FNBP1L: variants seen among roughly 807,000 people sequenced by gnomAD.
FNBP1L encodes formin binding protein 1 like, also known as formin-binding protein 1-like.
FNBP1L carries 36 observed loss-of-function variants against 91.2 expected under a neutral mutation model. That is an observed-to-expected ratio of 0.39 (90% CI 0.30 to 0.52). FNBP1L has a LOEUF of 0.52. Among genes scored for constraint, FNBP1L ranks in the 20% least tolerant of loss-of-function variants. The pLI is 0.66. For synonymous variants in FNBP1L, 242 were observed against 237.0 expected, an observed-to-expected ratio of 1.02 and a Z score of -0.19; for missense variants, 571 against 732.1, an observed-to-expected ratio of 0.78 and a Z score of 2.54.
chr1:93,450,580 GA>G (rs922054118), intron 1 of FNBP1L, among the ~76,000 whole-genome samples: 1 of 152,022 alleles, frequency 6.6e-6, no homozygotes, highest in African/African-American at 2.4e-5. Context: ...TCTCAGTTTT[GA>G]AAAAGGATTA....
intron 1 of FNBP1L, among the ~76,000 whole-genome samples, chr1:93,450,203 A>G (rs1427583013): frequency 1.3e-5 from 2 of 152,196 alleles, no homozygotes; most frequent in Non-Finnish European, 2.9e-5. Context: ...TACCTAAGGA[A>G]ACGATTCCAT....
chr1:93,496,427 A>T (rs532375771), intron 1 of FNBP1L, among the ~76,000 whole-genome samples: 149 of 151,908 alleles, frequency 9.8e-4, no homozygotes, highest in African/African-American at 3.5e-3. Context: ...TATTTTTGAG[A>T]TAGGGTCTTG....
intron 3 of FNBP1L, 111 bp downstream of exon 3, chr1:93,522,246 A>T (rs1402529063): frequency 4.5e-6 from 2 of 447,104 alleles, no homozygotes; most frequent in Non-Finnish European, 7.0e-6. Context: ...TATAAAGTTT[A>T]ATTTAAAAAT....
intron 2 of FNBP1L, among the ~76,000 whole-genome samples, chr1:93,519,798 G>A (rs964206410): frequency 2.0e-5 from 3 of 152,096 alleles, no homozygotes; most frequent in Non-Finnish European, 4.4e-5. Flanking sequence ...AAAAGTATAT[G>A]TAAATATTAT....
At chr1:93,501,604 G>T (rs1487695222) in intron 2 of FNBP1L, among the ~76,000 whole-genome samples, 1 of 152,014 alleles carries the variant, frequency 6.6e-6, no homozygotes, top group Non-Finnish European at 1.5e-5. Context: ...CTCCCATTAG[G>T]CCCTATCTCC....
chr1:93,465,638 A>G (rs1669049410), intron 1 of FNBP1L, among the ~76,000 whole-genome samples: 1 of 152,136 alleles, frequency 6.6e-6, no homozygotes, highest in Admixed American at 6.5e-5. Flanking sequence ...AGTCTTTGCT[A>G]TTGTGAATAG....
intron 2 of FNBP1L, among the ~76,000 whole-genome samples, chr1:93,505,420 G>A (rs556987549): frequency 2.6e-5 from 4 of 152,220 alleles, no homozygotes; most frequent in South Asian, 2.1e-4. Context: ...ACCTCACCCC[G>A]ATTGGCTAGC....
At chr1:93,482,810 G>C (rs1007310018) in intron 1 of FNBP1L, among the ~76,000 whole-genome samples, 1 of 152,038 alleles carries the variant, frequency 6.6e-6, no homozygotes, top group Non-Finnish European at 1.5e-5. Flanking sequence ...ATGAGGTCAG[G>C]AGATCGAGAC....
chr1:93,507,097 ACACACACACACTCTCTCTCTCTCTCT>A (rs1670653536), intron 2 of FNBP1L, among the ~76,000 whole-genome samples: 3 of 84,172 alleles, frequency 3.6e-5, no homozygotes, highest in South Asian at 1.1e-3. Flanking sequence ...ACACACACAC[ACACACACACACTCTCTCTCTCTCTCT>A]CTCTCTCTCT....
chr1:93,457,527 C>T (rs1237450702), intron 1 of FNBP1L, among the ~76,000 whole-genome samples: 1 of 152,068 alleles, frequency 6.6e-6, no homozygotes, highest in East Asian at 1.9e-4. Context: ...ACTAGCAAAA[C>T]AGTGATTCTA....
At position 93,552,583 on chromosome 1, in the gene FNBP1L, T is replaced by C. The variant is rs2101780413; in HGVS notation, c.*167T>C. ...CTAACTTCATTAGCATTTCCATACA[T>C]TGTTTTTAAAAATCATAATACCAAC... is the stretch of plus-strand genomic sequence containing the variant. On this transcript the variant is annotated 3_prime_UTR_variant, in exon 17 of 17. Coordinates refer to ENST00000271234, the MANE Select transcript of FNBP1L (RefSeq NM_001164473.3). 1 of 591,184 alleles carries C rather than the reference T, an allele frequency of 1.7e-6. No individual in the cohort carries two copies. Among genetic ancestry groups the C allele is most frequent in the East Asian group, 3.0e-5 (1 of 33,492 alleles). 36.6% of individuals were successfully genotyped at this position (591,184 alleles called of 1,614,324 possible).
At chr1:93,485,275 TCA>T (rs1669861670) in intron 1 of FNBP1L, among the ~76,000 whole-genome samples, 1 of 152,208 alleles carries the variant, frequency 6.6e-6, no homozygotes, top group Non-Finnish European at 1.5e-5. Flanking sequence ...AGAGCTTACT[TCA>T]CACAACAGAT....
intron 2 of FNBP1L, among the ~76,000 whole-genome samples, chr1:93,515,825 T>C (rs1671081574): frequency 6.6e-6 from 1 of 150,924 alleles, no homozygotes; most frequent in Admixed American, 6.6e-5. Context: ...GATGACGAGT[T>C]AGTGAGTGCA....
intron 1 of FNBP1L, among the ~76,000 whole-genome samples, chr1:93,488,932 T>C (rs1670005620): frequency 6.6e-6 from 1 of 152,160 alleles, no homozygotes; most frequent in South Asian, 2.1e-4. Flanking sequence ...GGCAAGGTTA[T>C]TAGCTAAGAG....
chr1:93,513,824 G>A (rs150706701), intron 2 of FNBP1L, among the ~76,000 whole-genome samples: 150,437 of 151,908 alleles, frequency 0.99, 74,503 homozygotes, highest in East Asian at 1. Flanking sequence ...TACTGAATGG[G>A]CAAAAACTGG....
intron 2 of FNBP1L, among the ~76,000 whole-genome samples, chr1:93,520,624 C>G (rs1305696013): frequency 1.3e-5 from 2 of 152,112 alleles, no homozygotes; most frequent in African/African-American, 4.8e-5. Flanking sequence ...TACTTTGAGA[C>G]TCAGGGTATA....
At chr1:93,551,698 C>A (rs1424827767) in intron 16 of FNBP1L, 1 of 984,718 alleles carries the variant, frequency 1.0e-6, no homozygotes, top group Non-Finnish European at 1.2e-6. Context: ...AGCACATAAT[C>A]TATTTAAGTA....
Position 93,450,898 on chromosome 1 carries a change from A to G in FNBP1L, c.24+2593A>G, listed in dbSNP as rs111506266. 1.1e-3 allele frequency among the ~76,000 whole-genome samples: 170 copies of G among 152,316 alleles called. 5 individuals are homozygous for G. Among genetic ancestry groups the G allele is most frequent in the Admixed American group, 9.8e-4 (15 of 15,302 alleles). ...TTGAGAAAAAAAGGAATTCAATAGA[A>G]CGGCTCTAATACTGACTTTGGGGGA... On this transcript the variant is annotated intron_variant, in intron 1 of 16. Transcript: ENST00000271234.
intron 1 of FNBP1L, among the ~76,000 whole-genome samples, 174 bp downstream of exon 1, chr1:93,448,479 CG>C (rs1171367387): frequency 1.3e-5 from 2 of 152,136 alleles, no homozygotes; most frequent in Admixed American, 6.5e-5. Context: ...CCTTCTCGGC[CG>C]GGGGTCTAGG....
Sources: allele counts gnomAD v4.1 joint callset (sites outside exome capture counted in the v4.1 genomes callset), GRCh38; gene constraint gnomAD v4.1.1; transcripts MANE v1.5; gene names NCBI Gene and HGNC (gene_info 2026-07-23, HGNC 2026-07-21).